ADGRL3: variants seen among roughly 807,000 people sequenced by gnomAD.
ADGRL3 encodes adhesion G protein-coupled receptor L3.
ADGRL3 carries 62 observed loss-of-function variants against 153.5 expected under a neutral mutation model. The ratio of observed to expected loss-of-function variants is 0.40; its 90% CI spans 0.33 to 0.50. The LOEUF (loss-of-function observed/expected upper bound fraction) is 0.50, where lower values mean the gene tolerates loss of function less well. Among genes scored for constraint, ADGRL3 ranks in the 20% least tolerant of loss-of-function variants. ADGRL3 has a pLI of 0.47. For synonymous variants in ADGRL3, 710 were observed against 672.5 expected (o/e 1.06, Z -0.86); for missense variants, 1,641 against 1,859.4 (o/e 0.88, Z 2.16).
intron 22 of ADGRL3, among the ~76,000 whole-genome samples, chr4:62,031,170 G>A (rs1721826445): frequency 6.6e-6 from 1 of 151,690 alleles, no homozygotes; most frequent in Admixed American, 6.6e-5. Context: ...ATTTGCATAT[G>A]TGCTGCAAAT....
Position 61,587,240 on chromosome 4 carries a change from C to G in ADGRL3, c.273C>G (p.Ala91=). 1 of 1,605,920 alleles carries G rather than the reference C, an allele frequency of 6.2e-7. No individual in the cohort carries two copies. The highest frequency in any genetic ancestry group is 8.5e-7 in the Non-Finnish European group (1 of 1,175,728). ...TCCTTTTGGCAGCTTTCAGCCGTGC[C>G]CCAATTCCAATGGCTGTGGTCCGCA... The part of the protein sequence containing the change: ...AQIAAQAFSR[A]PIPMAVVRRE... The change falls in exon 5 of 27, where the codon GCC becomes GCG. Residue 91 remains alanine, a synonymous_variant. Transcript: ENST00000683033.
At position 61,384,522 on chromosome 4, in the gene ADGRL3, T is replaced by C. The variant is rs1055142892; in HGVS notation, c.-174+1333T>C. 4.6e-5 allele frequency among the ~76,000 whole-genome samples: 7 copies of C among 151,704 alleles called. No individual in the cohort carries two copies. In the South Asian group the frequency reaches 1.5e-3, roughly 31 times the overall value. On this transcript the variant is annotated intron_variant, in intron 2 of 26. Transcript: ENST00000683033. ...CTATTTATATGTAAAATTCTTACTT[T>C]TTTGGCAAGTTAAATTCCTCAAATC...
chr4:61,221,860 T>A (rs1469819475), intron 1 of ADGRL3, among the ~76,000 whole-genome samples: 1 of 152,102 alleles, frequency 6.6e-6, no homozygotes, highest in Non-Finnish European at 1.5e-5. Context: ...TGTCTAGCTG[T>A]CAGCTTAGAT....
intron 4 of ADGRL3, among the ~76,000 whole-genome samples, chr4:61,543,239 A>G (rs899062562): frequency 2.7e-5 from 4 of 148,804 alleles, no homozygotes; most frequent in African/African-American, 9.9e-5. Context: ...TGCAGATGTG[A>G]TTAAATTAAG....
At chr4:61,411,176 G>A (rs1285747541) in intron 2 of ADGRL3, among the ~76,000 whole-genome samples, 4 of 152,076 alleles carry the variant, frequency 2.6e-5, no homozygotes, top group Admixed American at 1.3e-4. Flanking sequence ...AACAATGTCA[G>A]TTATAACAAA....
intron 9 of ADGRL3, among the ~76,000 whole-genome samples, chr4:61,865,790 G>A (rs1040453354): frequency 6.6e-6 from 1 of 152,208 alleles, no homozygotes; most frequent in African/African-American, 2.4e-5. Flanking sequence ...AAGGAAGAGG[G>A]AGAGGGGAGC....
chr4:61,846,639 G>C (rs2098119261), intron 9 of ADGRL3, among the ~76,000 whole-genome samples: 1 of 151,978 alleles, frequency 6.6e-6, no homozygotes. Flanking sequence ...TTCTTGCTTT[G>C]CTCTAAAGAA....
intron 2 of ADGRL3, among the ~76,000 whole-genome samples, chr4:61,470,374 T>A (rs1471572121): frequency 6.6e-6 from 1 of 151,894 alleles, no homozygotes; most frequent in African/African-American, 2.4e-5. Flanking sequence ...GTCAACTATT[T>A]CTCTCAGCAT....
intron 5 of ADGRL3, among the ~76,000 whole-genome samples, chr4:61,655,773 T>C (rs2150474405): frequency 6.6e-6 from 1 of 152,284 alleles, no homozygotes; most frequent in Non-Finnish European, 1.5e-5. Context: ...ATGAATGAAG[T>C]TCCCAAATAA....
In ADGRL3 at chr4:61,846,948, A is replaced by ATGTGTGTGTGTGTGTGTGTGTGTGTG. The variant is rs72301670; in HGVS notation, c.1480+33082_1480+33083insGTGTGTGTGTGTGTGTGTGTGTGTGT. Among the ~76,000 whole-genome samples, 1,196 of 145,676 alleles carry ATGTGTGTGTGTGTGTGTGTGTGTGTG rather than the reference A, an allele frequency of 8.2e-3. 6 individuals carry two copies. The highest frequency in any genetic ancestry group is 0.018 in the East Asian group (89 of 4,838). On this transcript the variant is annotated intron_variant, in intron 9 of 26. Transcript: ENST00000683033. ...AGCCGTGAGGGATATTTTATATATT[A>ATGTGTGTGTGTGTGTGTGTGTGTGTG]TGTGTGTGTGTGTGTGTGTGTGTAT...
At chr4:61,929,372 T>G (rs1397904525) in intron 13 of ADGRL3, among the ~76,000 whole-genome samples, 1 of 152,180 alleles carries the variant, frequency 6.6e-6, no homozygotes, top group African/African-American at 2.4e-5. Flanking sequence ...CAGTCTAAGG[T>G]ATTTTGTTCT....
At position 61,819,696 on chromosome 4, in the gene ADGRL3, CTCAA is replaced by C. The variant is rs1211576578; in HGVS notation, c.1480+5810_1480+5813del. On this transcript the variant is annotated intron_variant, in intron 9 of 26. Transcript: ENST00000683033. ...TAGTCATAAATATTAGCAGAGGAAA[CTCAA>C]TCTAACAATGTGAACTCAATCTAAA... 3.3e-5 allele frequency among the ~76,000 whole-genome samples: 5 copies of C among 152,128 alleles called. 1 individual carries two copies. In the East Asian group the frequency reaches 9.6e-4, roughly 29 times the overall value.
intron 1 of ADGRL3, among the ~76,000 whole-genome samples, chr4:61,267,068 A>G (rs143182490): frequency 1.5e-4 from 23 of 151,912 alleles, no homozygotes; most frequent in African/African-American, 4.8e-4. Context: ...TACTTAAAAC[A>G]TATTTAAAAG....
chr4:61,218,435 G>T (rs974558545), intron 1 of ADGRL3, among the ~76,000 whole-genome samples: 2 of 151,954 alleles, frequency 1.3e-5, no homozygotes, highest in African/African-American at 4.8e-5. Context: ...TCAGCCTCAC[G>T]AGTAGCTGGG....
At chr4:61,366,821 T>C (rs895749886) in intron 1 of ADGRL3, among the ~76,000 whole-genome samples, 4 of 152,176 alleles carry the variant, frequency 2.6e-5, no homozygotes, top group Non-Finnish European at 5.9e-5. Context: ...TTCATATACC[T>C]AATGTTGATA....
At chr4:61,775,425 TG>T in intron 8 of ADGRL3, 1 of 684,448 alleles carries the variant, frequency 1.5e-6, no homozygotes, top group Non-Finnish European at 2.7e-6. Context: ...TGTGTGTGTG[TG>T]TGTGTGCCAA....
At chr4:61,778,613 CTTACA>C (rs2097179676) in intron 8 of ADGRL3, among the ~76,000 whole-genome samples, 1 of 152,164 alleles carries the variant, frequency 6.6e-6, no homozygotes, top group African/African-American at 2.4e-5. Context: ...TTATGTTGTA[CTTACA>C]TTCCCTTGGA....
intron 1 of ADGRL3, among the ~76,000 whole-genome samples, chr4:61,239,908 T>G (rs2149309140): frequency 6.6e-6 from 1 of 152,266 alleles, no homozygotes; most frequent in Admixed American, 6.5e-5. Context: ...CCTAAATGTT[T>G]ACTTGAGTGT....
intron 8 of ADGRL3, among the ~76,000 whole-genome samples, chr4:61,803,757 C>CTT (rs1343456859): frequency 6.6e-6 from 1 of 151,956 alleles, no homozygotes; most frequent in Non-Finnish European, 1.5e-5. Context: ...CTACTAAAGT[C>CTT]TAATACACAG....
Sources: gnomAD v4.1 joint callset for allele counts (sites outside exome capture counted in the v4.1 genomes callset) on GRCh38, gnomAD v4.1.1 for gene constraint, MANE v1.5 for transcripts, NCBI Gene and HGNC (gene_info 2026-07-23, HGNC 2026-07-21) for gene names.